TMEM26: variants seen among roughly 807,000 people sequenced by gnomAD.
TMEM26 encodes the protein transmembrane protein 26.
Under a neutral mutation model 28.8 loss-of-function variants are expected in TMEM26, and 38 were observed. That is an observed-to-expected ratio of 1.32 (90% CI 1.02 to 1.73). The LOEUF (loss-of-function observed/expected upper bound fraction) is 1.73. Among genes scored for constraint, TMEM26 ranks in the 40% most tolerant of loss-of-function variants. The pLI is 0.00. For synonymous variants in TMEM26, 227 were observed against 182.9 expected, an observed-to-expected ratio of 1.24 and a Z score of -1.95; for missense variants, 518 against 447.1, an observed-to-expected ratio of 1.16 and a Z score of -1.43.
At chr10:61,428,151 A>G (rs1839861738) in intron 4 of TMEM26, among the ~76,000 whole-genome samples, 2 of 152,114 alleles carry the variant, frequency 1.3e-5, no homozygotes, top group Middle Eastern at 3.2e-3. Context: ...AGTAAACTGT[A>G]GCATTAAAAG....
At chr10:61,432,562 A>G (rs979454964) in intron 2 of TMEM26, among the ~76,000 whole-genome samples, 5 of 152,180 alleles carry the variant, frequency 3.3e-5, no homozygotes, top group Admixed American at 6.6e-5. Context: ...CAGTGCTAAC[A>G]TATTTTGAAA....
At chr10:61,442,902 CCT>C (rs1353590978) in intron 1 of TMEM26, among the ~76,000 whole-genome samples, 1 of 152,274 alleles carries the variant, frequency 6.6e-6, no homozygotes, top group East Asian at 1.9e-4. Context: ...ATTTCCTCTA[CCT>C]CTCTTCAACT....
intron 4 of TMEM26, among the ~76,000 whole-genome samples, chr10:61,425,703 G>C (rs1839820251): frequency 6.6e-6 from 1 of 152,068 alleles, no homozygotes. Flanking sequence ...AGCAACATTA[G>C]TCATTAAAGA....
rs772596445 is a variant in TMEM26 at position 61,453,125 on chromosome 10, A to G, written c.-44T>C. The G allele has an allele frequency of 6.3e-7, 1 of 1,587,472 alleles. No individual in the cohort carries two copies. The highest frequency in any genetic ancestry group is 1.7e-5 in the Admixed American group (1 of 59,338). ...CCTACGTCCCCTTGCCTGCGCCCCC[A>G]GGACCCTGCCGGGCGTGCCCGGAGC... On this transcript the variant is annotated 5_prime_UTR_variant, in exon 1 of 6. Coordinates refer to ENST00000399298, the MANE Select transcript of TMEM26 (RefSeq NM_178505.8).
In TMEM26 at chr10:61,428,788, C is replaced by A. The variant is rs935548545; in HGVS notation, c.605+138G>T. Reference sequence around the variant, plus strand: ...CTCGTTTCTAATACGTAAACAGCAGCAAATTCTCTGATCCTAACGTTGCAT... The same window carrying A: ...CTCGTTTCTAATACGTAAACAGCAGAAAATTCTCTGATCCTAACGTTGCAT... On this transcript the variant is annotated intron_variant, in intron 4 of 5. Transcript: ENST00000399298. 166 of 724,068 alleles carry A rather than the reference C, an allele frequency of 2.3e-4. 1 individual carries two copies. The highest frequency in any genetic ancestry group is 1.8e-3 in the South Asian group (94 of 52,372). The allele number at this position is 724,068 out of a possible 1,614,324, so 44.9% of individuals were successfully genotyped here.
rs370081346 is a variant in TMEM26 at position 61,429,104 on chromosome 10, C to T, written c.427G>A (p.Val143Ile). ...GTCTGATGGAGTCCCAATGTCCAAACTTTCTCACATACTGTAGATAAGTTA... is the reference window on the plus strand; with the variant it reads ...GTCTGATGGAGTCCCAATGTCCAAATTTTCTCACATACTGTAGATAAGTTA... Reference protein sequence around the residue: ...VNNLSTVCEKVWTLGLHQTFL... With the variant: ...VNNLSTVCEKIWTLGLHQTFL... The change falls in exon 4 of 6, where the codon GTT becomes ATT. Residue 143 changes from valine (V) to isoleucine (I), a missense_variant. By Grantham distance (29) the Val-to-Ile change is conservative. Transcript: ENST00000399298. 1 of 1,613,264 alleles carries T rather than the reference C, an allele frequency of 6.2e-7. No homozygotes were observed.
At chr10:61,442,884 A>G (rs762016644) in intron 1 of TMEM26, among the ~76,000 whole-genome samples, 8 of 152,042 alleles carry the variant, frequency 5.3e-5, no homozygotes, top group Non-Finnish European at 1.2e-4. Flanking sequence ...CAATATAACA[A>G]CCTCAGTATT....
chr10:61,430,258 A>G (rs757392913), intron 3 of TMEM26, among the ~76,000 whole-genome samples: 1 of 151,930 alleles, frequency 6.6e-6, no homozygotes, highest in Admixed American at 6.6e-5. Context: ...ATTCCATTAA[A>G]CCTCACAGAA....
In TMEM26 at chr10:61,408,712, A is replaced by G. The variant is rs989391770; in HGVS notation, c.*1610T>C. The G allele has an allele frequency of 1.3e-5, 2 of 152,336 alleles. 1 individual carries two copies. The highest frequency in any genetic ancestry group is 1.3e-4 in the Admixed American group (2 of 15,292). The allele number at this position is 152,336 out of a possible 1,614,324, so 9.4% of individuals were successfully genotyped here. On this transcript the variant is annotated 3_prime_UTR_variant, in exon 6 of 6. Transcript: ENST00000399298. The stretch of plus-strand genomic sequence containing the variant: ...TTAACTTTCATAAAATTATTATGGA[A>G]AATCATAAATGTATTCCATTAGTTC...
rs1245165486 is a variant in TMEM26, at chr10:61,428,911, G to T, written c.605+15C>A. On this transcript the variant is annotated intron_variant, in intron 4 of 5. Coordinates refer to ENST00000399298, the MANE Select transcript of TMEM26 (RefSeq NM_178505.8). ...ACCCTGAAAACAAGGTGTTTTTGCT[G>T]CAAGGAATGCTCACCTCACATTTTG... is the stretch of plus-strand genomic sequence containing the variant. 3.1e-6 allele frequency: 5 copies of T among 1,610,782 alleles called. No individual in the cohort carries two copies. The East Asian group carries it at 8.9e-5, about 29-fold the overall frequency.
intron 1 of TMEM26, among the ~76,000 whole-genome samples, chr10:61,444,855 T>C (rs937479320): frequency 6.6e-6 from 1 of 152,050 alleles, no homozygotes; most frequent in East Asian, 1.9e-4. Flanking sequence ...CTCTAAGCTG[T>C]AGCTTCCCCA....
chr10:61,429,259 G>A (rs1406860293), intron 3 of TMEM26, 113 bp from the exon 4 acceptor site: 2 of 826,530 alleles, frequency 2.4e-6, no homozygotes, highest in African/African-American at 1.7e-5. Context: ...GTAATTTTCA[G>A]GAGTTATTCT....
chr10:61,438,178 C>A (rs1840038824), intron 1 of TMEM26, among the ~76,000 whole-genome samples: 1 of 152,078 alleles, frequency 6.6e-6, no homozygotes, highest in African/African-American at 2.4e-5. Flanking sequence ...CCTTTGATTT[C>A]CTGCAAAAGC....
At chr10:61,439,675 A>T (rs147180003) in intron 1 of TMEM26, among the ~76,000 whole-genome samples, 1 of 152,324 alleles carries the variant, frequency 6.6e-6, no homozygotes, top group East Asian at 1.9e-4. Flanking sequence ...CCTGAAACTG[A>T]ATGTCCTCAT....
At chr10:61,431,918 T>C (rs1228130384) in intron 2 of TMEM26, among the ~76,000 whole-genome samples, 1 of 152,022 alleles carries the variant, frequency 6.6e-6, no homozygotes, top group Admixed American at 6.6e-5. Flanking sequence ...GTGTCTGTTG[T>C]TCCTATCTTT....
intron 4 of TMEM26, among the ~76,000 whole-genome samples, chr10:61,415,781 G>C (rs1839641816): frequency 6.6e-6 from 1 of 151,986 alleles, no homozygotes; most frequent in African/African-American, 2.4e-5. Context: ...TCATATATTA[G>C]GAGAAACATT....
intron 5 of TMEM26, among the ~76,000 whole-genome samples, chr10:61,411,701 C>T (rs1839572321): frequency 6.6e-6 from 1 of 152,130 alleles, no homozygotes; most frequent in South Asian, 2.1e-4. Flanking sequence ...GAGGTGCAAT[C>T]AACAGAAGAA....
chr10:61,437,338 G>T (rs1218609780), intron 1 of TMEM26, among the ~76,000 whole-genome samples: 1 of 152,124 alleles, frequency 6.6e-6, no homozygotes, highest in Non-Finnish European at 1.5e-5. Context: ...ATCTCACAGG[G>T]TTTTTAATTT....
At chr10:61,434,016 G>A (rs1037286566) in intron 2 of TMEM26, among the ~76,000 whole-genome samples, 23 of 152,250 alleles carry the variant, frequency 1.5e-4, no homozygotes, top group African/African-American at 5.5e-4. Flanking sequence ...ATTTGTGAAA[G>A]TGCAGGAGAC....
Sources: allele counts gnomAD v4.1 joint callset (sites outside exome capture counted in the v4.1 genomes callset), GRCh38; gene constraint gnomAD v4.1.1; transcripts MANE v1.5; gene names NCBI Gene and HGNC (gene_info 2026-07-23, HGNC 2026-07-21).